Variants in PARP2 observed in about 807,000 individuals in gnomAD.
PARP2 encodes poly(ADP-ribose) polymerase 2.
Under a neutral mutation model 77.8 loss-of-function variants are expected in PARP2, and 57 were observed. The observed-to-expected ratio is 0.73, with a 90% confidence interval of 0.59 to 0.91. The LOEUF is 0.91. PARP2 is among the 40% of genes least tolerant of loss of function. The pLI is 0.00. For synonymous variants in PARP2, 226 were observed against 242.6 expected, an observed-to-expected ratio of 0.93 and a Z score of 0.64; for missense variants, 651 against 689.0, an observed-to-expected ratio of 0.94 and a Z score of 0.62.
Position 20,357,399 on chromosome 14 carries a change from GC to G in PARP2, c.1433del (p.Ala478ValfsTer2). 1 of 1,601,380 alleles carries G rather than the reference GC, an allele frequency of 6.2e-7. No homozygotes were observed. ...NTGLLLLSEVALGQCNELLEA... is the reference protein window; with the variant it reads ...NTGLLLLSEVXLGQCNELLEA... ...TCAAAGGTTTTTTGCTTTGCAGGTAGCTCTAGGTCAGTGTAATGAACTACTA... is the reference window on the plus strand; with the variant it reads ...TCAAAGGTTTTTTGCTTTGCAGGTAGTCTAGGTCAGTGTAATGAACTACTA... On this transcript the variant is annotated frameshift_variant, in exon 15 of 16. Transcript: ENST00000429687. LOFTEE classifies it high-confidence loss of function.
intron 8 of PARP2, among the ~76,000 whole-genome samples, chr14:20,354,487 A>G (rs1594302472): frequency 6.6e-6 from 1 of 152,192 alleles, no homozygotes; most frequent in East Asian, 1.9e-4. Context: ...GCTTGAGCCC[A>G]GGAGTTTGAA....
chr14:20,354,910 T>C lies in PARP2; in HGVS notation c.865T>C (p.Cys289Arg), dbSNP rs918547481. 5 of 1,613,862 alleles carry C rather than the reference T, an allele frequency of 3.1e-6. No individual in the cohort carries two copies. The highest frequency in any genetic ancestry group is 1.6e-4 in the Middle Eastern group (1 of 6,084). Residue 289 changes from cysteine (C) to arginine (R), a missense_variant, in exon 9 of 16, where the codon TGC becomes CGC. By Grantham distance (180) the Cys-to-Arg change is radical. Coordinates refer to ENST00000429687, the MANE Select transcript of PARP2 (RefSeq NM_001042618.2). ...GCATGGACGAGCTCTCATGGAAGCA[T>C]GCAATGAATTCTACACCAGGATTCC... ...GQHGRALMEA[C>R]NEFYTRIPHD... is the part of the protein sequence containing the mutation.
chr14:20,343,640 C>CCATGGCGG lies in PARP2; in HGVS notation c.1_8dup. 6.2e-7 allele frequency: 1 copy of CCATGGCGG among 1,610,024 alleles called. No individual in the cohort carries two copies. Among genetic ancestry groups the CCATGGCGG allele is most frequent in the Non-Finnish European group, 8.5e-7 (1 of 1,178,894 alleles). On this transcript the variant is annotated 5_prime_UTR_variant, in exon 1 of 16. It adds an upstream start codon to the 5' untranslated region. Coordinates refer to ENST00000429687, the MANE Select transcript of PARP2 (RefSeq NM_001042618.2). ...GGTTGATGACGTCAGCGTTCGAATTCCATGGCGGCGCGGCGGCGACGGAGC... is the reference window on the plus strand; with the variant it reads ...GGTTGATGACGTCAGCGTTCGAATTCCATGGCGGCATGGCGGCGCGGCGGCGACGGAGC...
Position 20,354,892 on chromosome 14 carries a change from C to A in PARP2, c.847C>A (p.Arg283=), listed in dbSNP as rs751074729. 6.2e-7 allele frequency: 1 copy of A among 1,613,848 alleles called. No individual in the cohort carries two copies. The highest frequency in any genetic ancestry group is 1.7e-5 in the Admixed American group (1 of 60,006). ...TTGTATTCGGGCTGGCCAGCATGGA[C>A]GAGCTCTCATGGAAGCATGCAATGA... ...EDCIRAGQHG[R]ALMEACNEFY... Residue 283 remains arginine, a synonymous_variant, in exon 9 of 16, where the codon CGA becomes AGA. Transcript: ENST00000429687.
rs541763436 is a variant in PARP2, at chr14:20,357,617, C to T, written c.1554-21C>T. ...TCTGAACCAGAGACTGATGTTGACA[C>T]ACTTTTTTTCCATTTGGCAGGAATG... On this transcript the variant is annotated intron_variant, in intron 15 of 15. Coordinates refer to ENST00000429687, the MANE Select transcript of PARP2 (RefSeq NM_001042618.2). 2.6e-5 allele frequency: 42 copies of T among 1,609,170 alleles called. No individual in the cohort carries two copies. The Middle Eastern group carries it at 5.0e-4, about 19-fold the overall frequency.
chr14:20,354,081 A>G lies in PARP2; in HGVS notation c.601-4A>G, dbSNP rs559664400. ...TCTTGTGTTTTGTTTGTTTTTTGCT[A>G]TAGGATGAAGAGGAAACAAAGAAAG... On this transcript the variant is annotated splice_region_variant and splice_polypyrimidine_tract_variant and intron_variant, in intron 7 of 15. Coordinates refer to ENST00000429687, the MANE Select transcript of PARP2 (RefSeq NM_001042618.2). 10 of 1,608,364 alleles carry G rather than the reference A, an allele frequency of 6.2e-6. No homozygotes were observed. The highest frequency in any genetic ancestry group is 3.3e-5 in the Admixed American group (2 of 59,764).
rs1395009978 is a variant in PARP2 at position 20,354,938 on chromosome 14, A to C, written c.893A>C (p.His298Pro). The change falls in exon 9 of 16, where the codon CAT becomes CCT. Residue 298 changes from histidine to proline, a missense_variant. His to Pro is a moderately conservative substitution (Grantham distance 77). Coordinates refer to ENST00000429687, the MANE Select transcript of PARP2 (RefSeq NM_001042618.2). ...ACNEFYTRIP[H>P]DFGLRTPPLI... ...AATGAATTCTACACCAGGATTCCGC[A>C]TGACTTTGGGTAAGGCCTGTGCTGT... 3.1e-6 allele frequency: 5 copies of C among 1,613,496 alleles called. No homozygotes were observed. The highest frequency in any genetic ancestry group is 4.2e-6 in the Non-Finnish European group (5 of 1,179,740).
At chr14:20,347,365 TATATATATA>T in intron 4 of PARP2, among the ~76,000 whole-genome samples, 1 of 11,188 alleles carries the variant, frequency 8.9e-5, no homozygotes, top group South Asian at 3.8e-3. Flanking sequence ...TGTATATATA[TATATATATA>T]TATATATATA....
At chr14:20,355,239 C>T in intron 9 of PARP2, 1 of 268,016 alleles carries the variant, frequency 3.7e-6, no homozygotes, top group Non-Finnish European at 7.0e-6. Flanking sequence ...GGCATATCAC[C>T]CCCTTTTCCT....
In PARP2 at chr14:20,345,105, T is replaced by C. The variant is rs748477427; in HGVS notation, c.202+18T>C. The C allele has an allele frequency of 1.2e-6, 2 of 1,613,830 alleles. No homozygotes were observed. The highest frequency in any genetic ancestry group is 2.2e-5 in the South Asian group (2 of 91,066). ...GCAAGATGGTATGCCAGGAAGGTCA[T>C]GGGCCAGCAAAAGGGTCTCTGGTAG... On this transcript the variant is annotated intron_variant, in intron 2 of 15. Coordinates refer to ENST00000429687, the MANE Select transcript of PARP2 (RefSeq NM_001042618.2).
Position 20,343,800 on chromosome 14 carries a change from T to A in PARP2, c.46+113T>A, listed in dbSNP as rs113493367. The A allele has an allele frequency of 3.2e-4, 373 of 1,155,760 alleles. No individual in the cohort carries two copies. The African/African-American group carries it at 4.4e-3, about 14-fold the overall frequency. 71.6% of individuals were successfully genotyped at this position (1,155,760 alleles called of 1,614,324 possible). On this transcript the variant is annotated intron_variant, in intron 1 of 15. Transcript: ENST00000429687. ...CAGCTCCCTATAACCTGCACTTGGC[T>A]ACCAAACCAGTTGGGGTGCTAAATT... is the stretch of plus-strand genomic sequence containing the variant.
chr14:20,351,415 G>T (rs1470576755), intron 6 of PARP2, among the ~76,000 whole-genome samples: 2 of 152,126 alleles, frequency 1.3e-5, no homozygotes, highest in Non-Finnish European at 2.9e-5. Context: ...CTGACCTCAG[G>T]TGATCCGCCT....
intron 4 of PARP2, among the ~76,000 whole-genome samples, chr14:20,347,774 C>T (rs997812091): frequency 6.6e-6 from 1 of 151,820 alleles, no homozygotes; most frequent in African/African-American, 2.4e-5. Context: ...CTAGCACACT[C>T]TTATCAGATA....
chr14:20,343,756 T>A, intron 1 of PARP2, 69 bp downstream of exon 1: 2 of 1,489,360 alleles, frequency 1.3e-6, no homozygotes, highest in Non-Finnish European at 1.9e-6. Flanking sequence ...TGCCACCTAC[T>A]GTGACCCCCT....
Position 20,357,150 on chromosome 14 carries a change from GT to G in PARP2, c.1428+2del, listed in dbSNP as rs1340753296. On this transcript the variant is annotated splice_donor_variant, in intron 14 of 15. Transcript: ENST00000429687. LOFTEE classifies it high-confidence loss of function. The stretch of plus-strand genomic sequence containing the variant: ...TACAGGACTGCTGCTCTTATCAGAG[GT>G]GAGACAGGAGTATGTCTGTGATCTC... The G allele has an allele frequency of 6.4e-7, 1 of 1,561,398 alleles. No individual in the cohort carries two copies. Among genetic ancestry groups the G allele is most frequent in the Admixed American group, 1.7e-5 (1 of 59,166 alleles).
Position 20,352,291 on chromosome 14 carries a change from G to C in PARP2, c.544G>C (p.Glu182Gln), listed in dbSNP as rs375344456. 1.4e-5 allele frequency: 23 copies of C among 1,613,374 alleles called. No individual in the cohort carries two copies. The highest frequency in any genetic ancestry group is 2.0e-5 in the Non-Finnish European group (23 of 1,179,380). Residue 182 changes from glutamate (E) to glutamine (Q), a missense_variant, in exon 7 of 16, where the codon GAG becomes CAG. Glu to Gln is a conservative substitution (Grantham distance 29, BLOSUM62 2). Transcript: ENST00000429687. ...CAATTGGGAAGATCGAGAAAAGTTT[G>C]AGAAGGTGCCTGGAAAATATGATAT... Reference protein sequence around the residue: ...KNNWEDREKFEKVPGKYDMLQ... With the variant: ...KNNWEDREKFQKVPGKYDMLQ...
chr14:20,357,686 G>C lies in PARP2; in HGVS notation c.1602G>C (p.Leu534=), dbSNP rs1343133610. ...PLGPASDTGI[L]NPDGYTLNYN... is the part of the protein sequence containing the mutation. ...GACCAGCAAGTGACACAGGAATTCT[G>C]AATCCAGATGGTTATACCCTCAACT... Residue 534 remains leucine, a synonymous_variant, in exon 16 of 16, where the codon CTG becomes CTC. Coordinates refer to ENST00000429687, the MANE Select transcript of PARP2 (RefSeq NM_001042618.2). 1 of 1,613,992 alleles carries C rather than the reference G, an allele frequency of 6.2e-7. No individual in the cohort carries two copies. Among genetic ancestry groups the C allele is most frequent in the Non-Finnish European group, 8.5e-7 (1 of 1,179,938 alleles).
intron 8 of PARP2, 118 bp downstream of exon 8, chr14:20,354,365 T>C: frequency 3.5e-6 from 3 of 867,056 alleles, no homozygotes; most frequent in Non-Finnish European, 5.4e-6. Flanking sequence ...GAAAATGGGA[T>C]TTGGGGTGAC....
intron 6 of PARP2, 45 bp downstream of exon 6, chr14:20,351,167 T>G: frequency 6.8e-7 from 1 of 1,479,610 alleles, no homozygotes; most frequent in Non-Finnish European, 9.4e-7. Context: ...CCTCCTCTTC[T>G]TAGATGTATA....
Sources: gnomAD v4.1 joint callset for allele counts (sites outside exome capture counted in the v4.1 genomes callset) on GRCh38, gnomAD v4.1.1 for gene constraint, MANE v1.5 for transcripts, NCBI Gene and HGNC (gene_info 2026-07-23, HGNC 2026-07-21) for gene names.